PIPOX: variants seen among roughly 807,000 people sequenced by gnomAD.
PIPOX encodes the protein peroxisomal sarcosine oxidase.
A neutral mutation model predicts 47.9 loss-of-function variants in PIPOX; 45 were observed. That is an observed-to-expected ratio of 0.94 (90% CI 0.74 to 1.20). The LOEUF (loss-of-function observed/expected upper bound fraction) is 1.20, where lower values mean the gene tolerates loss of function less well. Among genes scored for constraint, PIPOX ranks in the 50% most tolerant of loss-of-function variants. The pLI, the probability that PIPOX is intolerant of heterozygous loss-of-function variation, is 0.00. For synonymous variants in PIPOX, 165 were observed against 191.3 expected, an observed-to-expected ratio of 0.86 and a Z score of 1.13; for missense variants, 458 against 498.4, an observed-to-expected ratio of 0.92 and a Z score of 0.77.
chr17:29,051,040 T>C (rs2065804149), intron 2 of PIPOX, among the ~76,000 whole-genome samples: 1 of 150,996 alleles, frequency 6.6e-6, no homozygotes. Context: ...GAGAATTGCT[T>C]ACACCCGGGG....
intron 2 of PIPOX, among the ~76,000 whole-genome samples, chr17:29,045,268 G>A (rs1206788594): frequency 6.6e-6 from 1 of 152,208 alleles, no homozygotes; most frequent in Non-Finnish European, 1.5e-5. Context: ...AAAGCCTGCT[G>A]GCAAGGCACC....
rs188089456 is a variant in PIPOX, at chr17:29,046,130, A to G, written c.263+1123A>G. ...TTAACTTAAGAACAAAGTGAAATCC[A>G]TTATGCAAATCAGCCAGGGCAGCTA... On this transcript the variant is annotated intron_variant, in intron 2 of 7. Transcript: ENST00000323372. Among the ~76,000 whole-genome samples the G allele has an allele frequency of 4.4e-4, 67 of 152,340 alleles. No individual in the cohort carries two copies. In the East Asian group the frequency reaches 0.013, roughly 29 times the overall value.
At chr17:29,051,589 G>T (rs1011363336) in intron 2 of PIPOX, among the ~76,000 whole-genome samples, 24 of 152,312 alleles carry the variant, frequency 1.6e-4, no homozygotes, top group Non-Finnish European at 3.1e-4. Context: ...CTCTTCCATT[G>T]TTTCTATCCG....
intron 1 of PIPOX, 22 bp from the exon 2 acceptor site, chr17:29,044,837 C>T (rs1290748704): frequency 6.3e-7 from 1 of 1,599,362 alleles, no homozygotes; most frequent in Non-Finnish European, 8.5e-7. Flanking sequence ...CTTCCATCAT[C>T]TCTCTTGTTT....
At chr17:29,054,791 A>T in intron 5 of PIPOX, 100 bp downstream of exon 5, 1 of 1,350,762 alleles carries the variant, frequency 7.4e-7, no homozygotes, top group Non-Finnish European at 1.0e-6. Flanking sequence ...TCTCGGGGCC[A>T]GCAGCAGGAG....
intron 2 of PIPOX, among the ~76,000 whole-genome samples, chr17:29,047,596 C>T (rs528784552): frequency 1.6e-4 from 24 of 152,230 alleles, no homozygotes; most frequent in South Asian, 1.5e-3. Context: ...AATAAATGAG[C>T]CTGGATGTAT....
intron 5 of PIPOX, 144 bp from the exon 6 acceptor site, chr17:29,054,919 C>A: frequency 8.4e-7 from 1 of 1,185,320 alleles, no homozygotes; most frequent in South Asian, 1.4e-5. Context: ...TAAGCAGCCT[C>A]AGGTGACAGC....
chr17:29,043,275 T>A lies in PIPOX; in HGVS notation c.50T>A (p.Ile17Asn), dbSNP rs1415810266. 2 of 1,613,648 alleles carry A rather than the reference T, an allele frequency of 1.2e-6. No individual in the cohort carries two copies. Among genetic ancestry groups the A allele is most frequent in the Non-Finnish European group, 1.7e-6 (2 of 1,179,750 alleles). The change falls in exon 1 of 8, where the codon ATC becomes AAC. Residue 17 changes from isoleucine to asparagine, a missense_variant. Coordinates refer to ENST00000323372, the MANE Select transcript of PIPOX (RefSeq NM_016518.3). Reference sequence around the variant, plus strand: ...GACGCCATTGTGATTGGGGCGGGGATCCAGGGCTGCTTCACTGCATACCAC... The same window carrying A: ...GACGCCATTGTGATTGGGGCGGGGAACCAGGGCTGCTTCACTGCATACCAC... ...LWDAIVIGAG[I>N]QGCFTAYHLA...
chr17:29,050,359 A>G (rs1430574644), intron 2 of PIPOX, among the ~76,000 whole-genome samples: 1 of 152,234 alleles, frequency 6.6e-6, no homozygotes, highest in African/African-American at 2.4e-5. Context: ...AAAGGACTCA[A>G]GGAAATACAC....
intron 5 of PIPOX, 75 bp downstream of exon 5, chr17:29,054,766 A>G (rs1424642170): frequency 1.3e-6 from 2 of 1,525,418 alleles, no homozygotes; most frequent in African/African-American, 1.4e-5. Context: ...TTTCCCCTCC[A>G]TAGATGCCCT....
rs1449205411 is a variant in PIPOX, at chr17:29,055,192, C to G, written c.937C>G (p.Pro313Ala). The G allele has an allele frequency of 3.1e-6, 5 of 1,614,186 alleles. No individual in the cohort carries two copies. The highest frequency in any genetic ancestry group is 4.2e-6 in the Non-Finnish European group (5 of 1,180,046). The change falls in exon 6 of 8, where the codon CCT (proline) becomes GCT (alanine). Residue 313 changes from proline to alanine, a missense_variant. Pro to Ala is a conservative substitution (Grantham distance 27). Transcript: ENST00000323372. ...TCACTTACCTGATCTGAAGCCCGAG[C>G]CTGCTGTCATTGAGAGCTGCATGTA... ...RDHLPDLKPE[P>A]AVIESCMYTN...
chr17:29,052,587 G>C (rs1262431023), intron 2 of PIPOX, among the ~76,000 whole-genome samples: 6 of 152,172 alleles, frequency 3.9e-5, no homozygotes, highest in African/African-American at 1.4e-4. Context: ...TGAGACAGGG[G>C]CTTGCTCTCT....
Position 29,044,934 on chromosome 17 carries a change from T to C in PIPOX, c.190T>C (p.Tyr64His). The C allele has an allele frequency of 6.2e-7, 1 of 1,614,194 alleles. No homozygotes were observed. Among genetic ancestry groups the C allele is most frequent in the Non-Finnish European group, 8.5e-7 (1 of 1,180,024 alleles). Residue 64 changes from tyrosine (Y) to histidine (H), a missense_variant, in exon 2 of 8, where the codon TAC becomes CAC. Transcript: ENST00000323372. ...IIRKAYLEDF[Y>H]TRMMHECYQI... ...CCGAAAGGCGTACCTGGAAGACTTTTACACCCGGATGATGCATGAGTGCTA... is the reference window on the plus strand; with the variant it reads ...CCGAAAGGCGTACCTGGAAGACTTTCACACCCGGATGATGCATGAGTGCTA...
At position 29,056,750 on chromosome 17, in the gene PIPOX, G is replaced by A. The variant is rs977129880; in HGVS notation, c.*445G>A. The A allele has an allele frequency of 1.3e-4, 22 of 163,606 alleles. No individual in the cohort carries two copies. Among genetic ancestry groups the A allele is most frequent in the African/African-American group, 3.4e-4 (14 of 41,766 alleles). 10.1% of individuals were successfully genotyped at this position (163,606 alleles called of 1,614,324 possible). A position where few individuals can be genotyped will look rare whatever the true frequency, so the allele number is the denominator to read the frequency against. ...TGTAATCTCGGCACTTTGGGGGGCT[G>A]AGACAGGCGGATCACCTGAGGCCAG... On this transcript the variant is annotated 3_prime_UTR_variant, in exon 8 of 8. Transcript: ENST00000323372.
Position 29,056,399 on chromosome 17 carries a change from C to A in PIPOX, c.*94C>A. The A allele has an allele frequency of 6.9e-7, 1 of 1,446,008 alleles. No homozygotes were observed. Among genetic ancestry groups the A allele is most frequent in the Non-Finnish European group, 9.6e-7 (1 of 1,043,246 alleles). 89.6% of individuals were successfully genotyped at this position (1,446,008 alleles called of 1,614,324 possible). A position where few individuals can be genotyped will look rare whatever the true frequency, so the allele number is the denominator to read the frequency against. Reference sequence around the variant, plus strand: ...AAGGGAGTGTCCCTGAGATATCATCCTTTTCTTCTGCCTCGCCTGAATCCC... The same window carrying A: ...AAGGGAGTGTCCCTGAGATATCATCATTTTCTTCTGCCTCGCCTGAATCCC... On this transcript the variant is annotated 3_prime_UTR_variant, in exon 8 of 8. Coordinates refer to ENST00000323372, the MANE Select transcript of PIPOX (RefSeq NM_016518.3).
At chr17:29,049,391 G>A (rs1291143036) in intron 2 of PIPOX, among the ~76,000 whole-genome samples, 2 of 142,484 alleles carry the variant, frequency 1.4e-5, no homozygotes, top group Non-Finnish European at 3.0e-5. Flanking sequence ...CCAGGTCTAA[G>A]CAGAAAAAAA....
intron 2 of PIPOX, among the ~76,000 whole-genome samples, chr17:29,048,181 T>C (rs1277048471): frequency 3.3e-5 from 5 of 152,264 alleles, no homozygotes; most frequent in Admixed American, 3.3e-4. Context: ...ACCTTTGGGC[T>C]AAAAGCCATT....
At position 29,046,509 on chromosome 17, in the gene PIPOX, A is replaced by C. The variant is rs575463150; in HGVS notation, c.263+1502A>C. On this transcript the variant is annotated intron_variant, in intron 2 of 7. Transcript: ENST00000323372. ...TTACGATAGGGCTCTGAGAGGATTAAATGAGACTTTTGTGAAATACTTGGC... is the reference window on the plus strand; with the variant it reads ...TTACGATAGGGCTCTGAGAGGATTACATGAGACTTTTGTGAAATACTTGGC... The C allele has an allele frequency of 7.3e-6, 6 of 826,762 alleles. No homozygotes were observed. In the African/African-American group the frequency reaches 7.4e-5, roughly 10 times the overall value. 51.2% of individuals were successfully genotyped at this position (826,762 alleles called of 1,614,324 possible). A position where few individuals can be genotyped will look rare whatever the true frequency, so the allele number is the denominator to read the frequency against.
At chr17:29,048,322 T>C (rs1224919266) in intron 2 of PIPOX, among the ~76,000 whole-genome samples, 3 of 152,390 alleles carry the variant, frequency 2.0e-5, no homozygotes, top group African/African-American at 7.2e-5. Context: ...ATGAGCATAC[T>C]TAATGCTATT....
Sources: allele counts gnomAD v4.1 joint callset (sites outside exome capture counted in the v4.1 genomes callset), GRCh38; gene constraint gnomAD v4.1.1; transcripts MANE v1.5; gene names NCBI Gene and HGNC (gene_info 2026-07-23, HGNC 2026-07-21).